The following TAOK2 variants were observed in gnomAD, a reference collection of about 807,000 sequenced individuals.
TAOK2 encodes the protein TAO kinase 2, also known as serine/threonine-protein kinase TAO2.
In TAOK2, 42 loss-of-function variants were observed where a neutral mutation model predicts 122.5. The observed-to-expected ratio is 0.34, with a 90% CI of 0.27 to 0.44. The LOEUF is 0.44. Ranked by LOEUF, TAOK2 falls within the 20% of genes least tolerant of loss-of-function variation. The probability of loss-of-function intolerance (pLI) is 1.00; values close to 1 mark genes in which losing one functional copy is unlikely to be tolerated. For synonymous variants in TAOK2, 704 were observed against 677.6 expected, an observed-to-expected ratio of 1.04 and a Z score of -0.61; for missense variants, 1,264 against 1,644.9, an observed-to-expected ratio of 0.77 and a Z score of 4.01.
At chr16:29,989,101 C>T (rs904876696), downstream of TAOK2, 8 of 985,228 alleles carry the variant, frequency 8.1e-6, no homozygotes, top group Admixed American at 3.7e-4. Flanking sequence ...TGTCCTTAGT[C>T]GTGTTGCTTT....
Position 29,983,060 on chromosome 16 carries a change from C to T in TAOK2, c.1000-12C>T. The T allele has an allele frequency of 6.2e-7, 1 of 1,613,806 alleles. No homozygotes were observed. Among genetic ancestry groups the T allele is most frequent in the Admixed American group, 1.7e-5 (1 of 59,996 alleles). Reference sequence around the variant, plus strand: ...CCCCTTCCCTGTCCAGCAGCCTACGCCCTGTTCGCAGGAGGCCGAGCCCTA... The same window carrying T: ...CCCCTTCCCTGTCCAGCAGCCTACGTCCTGTTCGCAGGAGGCCGAGCCCTA... On this transcript the variant is annotated splice_polypyrimidine_tract_variant and intron_variant, in intron 11 of 15. Coordinates refer to ENST00000308893, the MANE Select transcript of TAOK2 (RefSeq NM_016151.4).
chr16:29,982,082 G>A (rs2069635443), intron 10 of TAOK2, 142 bp downstream of exon 10: 3 of 661,366 alleles, frequency 4.5e-6, no homozygotes, highest in Non-Finnish European at 7.9e-6. Flanking sequence ...AATGCCTAGT[G>A]GACTCTGTGT....
downstream of TAOK2, chr16:29,989,951 C>A: frequency 1.4e-6 from 1 of 714,820 alleles, no homozygotes; most frequent in Non-Finnish European, 2.3e-6. Flanking sequence ...GTGTTCTCCA[C>A]AATGATTTAT....
chr16:29,988,064 CCT>C lies in TAOK2; in HGVS notation c.*89_*90del. The C allele has an allele frequency of 6.9e-7, 1 of 1,451,090 alleles. No homozygotes were observed. The highest frequency in any genetic ancestry group is 9.0e-7 in the Non-Finnish European group (1 of 1,107,928). The allele number at this position is 1,451,090 out of a possible 1,614,324, so 89.9% of individuals were successfully genotyped here. A position where few individuals can be genotyped will look rare whatever the true frequency, so the allele number is the denominator to read the frequency against. ...CAGTGAAGTTTCTCCAGTCCCTAGT[CCT>C]CTCTTTTCACCCACCTTCCTCAGTT... On this transcript the variant is annotated 3_prime_UTR_variant, in exon 16 of 16. Transcript: ENST00000308893.
chr16:29,983,475 C>T, intron 12 of TAOK2, 28 bp from the exon 13 acceptor site: 1 of 1,591,800 alleles, frequency 6.3e-7, no homozygotes. Flanking sequence ...GCCTCTGAGC[C>T]TTGGGTGTTC....
intron 10 of TAOK2, 89 bp downstream of exon 10, chr16:29,982,029 T>G: frequency 9.0e-7 from 1 of 1,109,552 alleles, no homozygotes; most frequent in South Asian, 1.3e-5. Context: ...TCCCAGTTCC[T>G]CCTCCACCAA....
Position 29,985,875 on chromosome 16 carries a change from T to C in TAOK2, c.1992+14T>C, listed in dbSNP as rs1451608835. 1.9e-6 allele frequency: 3 copies of C among 1,610,060 alleles called. No homozygotes were observed. The South Asian group carries it at 3.3e-5, about 18-fold the overall frequency. ...CTGCTGCGGGAGGTAGGCATCCCAA[T>C]CTCTGTTCCCCTCCCGCTCACTCGT... On this transcript the variant is annotated intron_variant, in intron 15 of 15. Coordinates refer to ENST00000308893, the MANE Select transcript of TAOK2 (RefSeq NM_016151.4). The surrounding 1 kb of genome is among the most constrained non-coding windows in gnomAD (Gnocchi z 6.9).
downstream of TAOK2, chr16:29,991,474 TGG>T: frequency 6.7e-7 from 1 of 1,486,780 alleles, no homozygotes; most frequent in Non-Finnish European, 8.9e-7. This position sits in a 1 kb window ranked among gnomAD's most constrained non-coding sequence, Gnocchi z 5.6. Context: ...AGTGAGAATG[TGG>T]GCCCCCCTGC....
At chr16:29,976,345 A>G (rs748705104) in intron 1 of TAOK2, among the ~76,000 whole-genome samples, 1 of 152,198 alleles carries the variant, frequency 6.6e-6, no homozygotes. Flanking sequence ...CTCCCAGGCT[A>G]TTCTGAGCCC....
Position 29,983,336 on chromosome 16 carries a change from C to A in TAOK2, c.1260+4C>A. 6.3e-7 allele frequency: 1 copy of A among 1,591,648 alleles called. No individual in the cohort carries two copies. Among genetic ancestry groups the A allele is most frequent in the Non-Finnish European group, 8.5e-7 (1 of 1,173,870 alleles). ...CTCCATTATCCACCGGCTGCCGGTACACAGCTCACCCTTGGGGGACCCGAG... is the reference window on the plus strand; with the variant it reads ...CTCCATTATCCACCGGCTGCCGGTAAACAGCTCACCCTTGGGGGACCCGAG... On this transcript the variant is annotated splice_donor_region_variant and intron_variant, in intron 12 of 15. Transcript: ENST00000308893.
At position 29,986,270 on chromosome 16, in the gene TAOK2, G is replaced by A. The variant is rs1420065293; in HGVS notation, c.1998G>A (p.Leu666=). 6 of 1,515,304 alleles carry A rather than the reference G, an allele frequency of 4.0e-6. No homozygotes were observed. The South Asian group carries it at 5.3e-5, about 13-fold the overall frequency. The allele number at this position is 1,515,304 out of a possible 1,614,324, so 93.9% of individuals were successfully genotyped here. The change falls in exon 16 of 16, where the codon CTG becomes CTA. Residue 666 remains leucine, a synonymous_variant. Coordinates refer to ENST00000308893, the MANE Select transcript of TAOK2 (RefSeq NM_016151.4). The surrounding 1 kb of genome is among the most constrained non-coding windows in gnomAD (Gnocchi z 4.2). ...SLDQDLLRED[L]NKKQTQKDLE... ...CTGCATTTCTTCTGCCTCAGGACCT[G>A]AACAAGAAGCAGACCCAGAAGGACT...
At chr16:29,982,126 T>G (rs2069637079) in intron 10 of TAOK2, among the ~76,000 whole-genome samples, 186 bp downstream of exon 10, 1 of 152,150 alleles carries the variant, frequency 6.6e-6, no homozygotes, top group African/African-American at 2.4e-5. Context: ...CTGCCTTAAT[T>G]TATTAAGTAA....
chr16:29,981,804 T>C, intron 9 of TAOK2, 50 bp downstream of exon 9: 1 of 1,609,350 alleles, frequency 6.2e-7, no homozygotes, highest in South Asian at 1.1e-5. Flanking sequence ...CCATGGGGTA[T>C]GGATGCCTGA....
At position 29,987,515 on chromosome 16, in the gene TAOK2, ATC is replaced by A; in HGVS notation, c.3246_3247del (p.Arg1083ThrfsTer53). On this transcript the variant is annotated frameshift_variant, in exon 16 of 16. Transcript: ENST00000308893. LOFTEE classifies it high-confidence loss of function. ...AGGGCCCCCGGGTGCGCCGGGGCAT[ATC>A]TCGACTCTGGTTGCGGGTTCTGCTG... The part of the protein sequence containing the change: ...QQGPRVRRGI[S>X]RLWLRVLLRL... 6.2e-7 allele frequency: 1 copy of A among 1,608,246 alleles called. No homozygotes were observed. Among genetic ancestry groups the A allele is most frequent in the Non-Finnish European group, 8.5e-7 (1 of 1,176,530 alleles).
chr16:29,986,445 G>A lies in TAOK2; in HGVS notation c.2173G>A (p.Glu725Lys). 1 of 1,607,700 alleles carries A rather than the reference G, an allele frequency of 6.2e-7. No individual in the cohort carries two copies. Among genetic ancestry groups the A allele is most frequent in the African/African-American group, 1.3e-5 (1 of 74,722 alleles). The change falls in exon 16 of 16, where the codon GAG becomes AAG. Residue 725 changes from glutamate (E) to lysine (K), a missense_variant. Physicochemically the swap from Glu to Lys is moderately conservative, Grantham distance 56. Around this residue, in one of 4 missense-constraint regions of TAOK2, gnomAD observed 824 missense variants for 908.7 expected, o/e 0.91. Coordinates refer to ENST00000308893, the MANE Select transcript of TAOK2 (RefSeq NM_016151.4). The surrounding 1 kb of genome is among the most constrained non-coding windows in gnomAD (Gnocchi z 4.2). ...GNQLEYNKRREQELRQKHAAQ... is the reference protein window; with the variant it reads ...GNQLEYNKRRKQELRQKHAAQ... ...CCAGCTGGAGTACAACAAGCGGCGTGAGCAAGAGTTGCGGCAGAAGCATGC... is the reference window on the plus strand; with the variant it reads ...CCAGCTGGAGTACAACAAGCGGCGTAAGCAAGAGTTGCGGCAGAAGCATGC...
In TAOK2 at chr16:29,986,619, G is replaced by T; in HGVS notation, c.2347G>T (p.Val783Phe). 1 of 1,612,416 alleles carries T rather than the reference G, an allele frequency of 6.2e-7. No individual in the cohort carries two copies. Among genetic ancestry groups the T allele is most frequent in the Non-Finnish European group, 8.5e-7 (1 of 1,179,344 alleles). The stretch of plus-strand genomic sequence containing the variant: ...GCCCTGCTCACCTGGCCAGGAGGCA[G>T]TCCTGGACCAAAGAATGCTTGGCGA... ...QQPCSPGQEA[V>F]LDQRMLGEEE... is the part of the protein sequence containing the mutation. The change falls in exon 16 of 16, where the codon GTC becomes TTC. Residue 783 changes from valine (V) to phenylalanine (F), a missense_variant. Physicochemically the swap from Val to Phe is conservative, Grantham distance 50. Around this residue, in one of 4 missense-constraint regions of TAOK2, gnomAD observed 824 missense variants for 908.7 expected, o/e 0.91. Coordinates refer to ENST00000308893, the MANE Select transcript of TAOK2 (RefSeq NM_016151.4). This position sits in a 1 kb window ranked among gnomAD's most constrained non-coding sequence, Gnocchi z 4.2.
At position 29,985,242 on chromosome 16, in the gene TAOK2, G is replaced by C. The variant is rs764604543; in HGVS notation, c.1452G>C (p.Gln484His). 5 of 1,534,816 alleles carry C rather than the reference G, an allele frequency of 3.3e-6. No homozygotes were observed. Among genetic ancestry groups the C allele is most frequent in the Non-Finnish European group, 4.4e-6 (5 of 1,139,618 alleles). ...GCCGTCAGATCCAGGAGCATGAGCAGGACTCTGCGCTGCGGGAGCAGCTGA... is the reference window on the plus strand; with the variant it reads ...GCCGTCAGATCCAGGAGCATGAGCACGACTCTGCGCTGCGGGAGCAGCTGA... The part of the protein sequence containing the change: ...LVSRQIQEHE[Q>H]DSALREQLSG... The change falls in exon 14 of 16, where the codon CAG (glutamine) becomes CAC (histidine). Residue 484 changes from glutamine (Q) to histidine (H), a missense_variant. Physicochemically the swap from Gln to His is conservative, Grantham distance 24. This residue lies in a region of TAOK2 where 64 missense variants were observed against 115.7 expected (regional missense o/e 0.55). Transcript: ENST00000308893. The surrounding 1 kb of genome is among the most constrained non-coding windows in gnomAD (Gnocchi z 6.9).
In TAOK2 at chr16:29,985,941, G is replaced by C; in HGVS notation, c.1992+80G>C. ...ACCCTTTTCCATTTTCCTCATTCTT[G>C]TCTTCTTTCTCCTTGGCCCTCGAGT... On this transcript the variant is annotated intron_variant, in intron 15 of 15. Coordinates refer to ENST00000308893, the MANE Select transcript of TAOK2 (RefSeq NM_016151.4). This position sits in a 1 kb window ranked among gnomAD's most constrained non-coding sequence, Gnocchi z 6.9. The C allele has an allele frequency of 1.1e-5, 17 of 1,498,502 alleles. No homozygotes were observed. The highest frequency in any genetic ancestry group is 1.5e-5 in the Non-Finnish European group (16 of 1,101,962). The allele number at this position is 1,498,502 out of a possible 1,614,324, so 92.8% of individuals were successfully genotyped here. A position where few individuals can be genotyped will look rare whatever the true frequency, so the allele number is the denominator to read the frequency against.
rs767589606 is a variant in TAOK2, at chr16:29,985,712, C to T, written c.1843C>T (p.Arg615Trp). 8.7e-6 allele frequency: 14 copies of T among 1,607,192 alleles called. No individual in the cohort carries two copies. Among genetic ancestry groups the T allele is most frequent in the Non-Finnish European group, 1.2e-5 (14 of 1,177,622 alleles). The part of the protein sequence containing the change: ...PKREKAEWLL[R>W]QKEQLQQCQA... Reference sequence around the variant, plus strand: ...GCGGGAGAAGGCCGAGTGGCTGCTGCGGCAGAAGGAGCAGCTCCAGCAGTG... The same window carrying T: ...GCGGGAGAAGGCCGAGTGGCTGCTGTGGCAGAAGGAGCAGCTCCAGCAGTG... Residue 615 changes from arginine to tryptophan, a missense_variant, in exon 15 of 16, where the codon CGG becomes TGG. By Grantham distance (101) the Arg-to-Trp change is moderately radical. Transcript: ENST00000308893. The surrounding 1 kb of genome is among the most constrained non-coding windows in gnomAD (Gnocchi z 6.9).
Sources: gnomAD v4.1 joint callset for allele counts (sites outside exome capture counted in the v4.1 genomes callset) on GRCh38, gnomAD v4.1.1 for gene constraint, gnomAD v4.1.1 regional missense constraint, Gnocchi (gnomAD v3.1) non-coding constraint, MANE v1.5 for transcripts, NCBI Gene and HGNC (gene_info 2026-07-23, HGNC 2026-07-21) for gene names.